Variants in PSD3 observed in about 807,000 individuals in gnomAD.
PSD3 encodes the protein PH and SEC7 domain-containing protein 3.
In PSD3, 49 loss-of-function variants were observed where a neutral mutation model predicts 105.5. That is an observed-to-expected ratio of 0.46 (90% CI 0.37 to 0.59). PSD3 has a LOEUF of 0.59. Among genes scored for constraint, PSD3 ranks in the 20% least tolerant of loss-of-function variants. The probability of loss-of-function intolerance (pLI) is 0.00; values close to 1 mark genes in which losing one functional copy is unlikely to be tolerated. For missense variants in PSD3, 1,561 were observed against 1,263.8 expected (o/e 1.24, Z -3.57); for synonymous variants, 557 against 457.8 (o/e 1.22, Z -2.77).
At chr8:18,771,907 C>T (rs1207107758) in intron 8 of PSD3, among the ~76,000 whole-genome samples, 1 of 152,226 alleles carries the variant, frequency 6.6e-6, no homozygotes, top group Non-Finnish European at 1.5e-5. Flanking sequence ...ATGCCAGCCA[C>T]TTGTAACCAA....
intron 2 of PSD3, among the ~76,000 whole-genome samples, chr8:18,918,104 C>T (rs1297626052): frequency 6.6e-6 from 1 of 152,164 alleles, no homozygotes; most frequent in Non-Finnish European, 1.5e-5. Flanking sequence ...AAAATACACA[C>T]TTACAGCATG....
At chr8:18,846,099 G>A (rs1177307253) in intron 4 of PSD3, among the ~76,000 whole-genome samples, 1 of 152,162 alleles carries the variant, frequency 6.6e-6, no homozygotes, top group Non-Finnish European at 1.5e-5. Context: ...GGAAGCAAAA[G>A]AAAGAGAGAT....
intron 8 of PSD3, among the ~76,000 whole-genome samples, chr8:18,775,282 T>C (rs187585857): frequency 8.5e-4 from 129 of 152,326 alleles, no homozygotes; most frequent in African/African-American, 2.9e-3. Flanking sequence ...TTTAGGTGAA[T>C]TCCATATCTT....
At chr8:18,983,843 AAAAT>A (rs1217794515) in intron 1 of PSD3, among the ~76,000 whole-genome samples, 4 of 151,964 alleles carry the variant, frequency 2.6e-5, no homozygotes, top group Non-Finnish European at 5.9e-5. Flanking sequence ...TACAAAAAAA[AAAAT>A]GTTTTAACCG....
intron 11 of PSD3, among the ~76,000 whole-genome samples, chr8:18,616,736 G>A: frequency 6.8e-6 from 1 of 146,380 alleles, no homozygotes; most frequent in Non-Finnish European, 1.5e-5. Flanking sequence ...CCATTCTCCT[G>A]CCTCAGCCTC....
intron 2 of PSD3, among the ~76,000 whole-genome samples, chr8:18,895,692 A>G (rs993326865): frequency 6.6e-6 from 1 of 152,236 alleles, no homozygotes; most frequent in Non-Finnish European, 1.5e-5. Context: ...TAGTAACTGC[A>G]CATATTTATA....
At chr8:18,653,500 T>G (rs939916518) in intron 10 of PSD3, among the ~76,000 whole-genome samples, 1 of 152,172 alleles carries the variant, frequency 6.6e-6, no homozygotes, top group Non-Finnish European at 1.5e-5. Flanking sequence ...CAATATTTGC[T>G]CAGTCTTGCA....
intron 4 of PSD3, among the ~76,000 whole-genome samples, chr8:18,837,626 C>A (rs9325843): frequency 6.6e-6 from 1 of 151,810 alleles, no homozygotes; most frequent in African/African-American, 2.4e-5. Context: ...TAGATAGTAA[C>A]TGAAATGAGA....
intron 1 of PSD3, among the ~76,000 whole-genome samples, chr8:19,019,250 C>A (rs1256285329): frequency 8.0e-5 from 12 of 149,814 alleles, no homozygotes; most frequent in Admixed American, 7.3e-4. Flanking sequence ...CTCATCAACT[C>A]ATTTTTTTTT....
intron 9 of PSD3, among the ~76,000 whole-genome samples, chr8:18,680,358 A>G (rs950162957): frequency 2.0e-5 from 3 of 152,206 alleles, no homozygotes; most frequent in African/African-American, 7.2e-5. Context: ...TAAATTAGAA[A>G]TCAATTAGAA....
intron 11 of PSD3, among the ~76,000 whole-genome samples, chr8:18,611,765 CTGGA>C (rs34322561): frequency 0.28 from 43,190 of 151,836 alleles, 6,487 homozygotes; most frequent in South Asian, 0.46. Flanking sequence ...ATTAAGGGAC[CTGGA>C]TGGATCACAT....
intron 11 of PSD3, among the ~76,000 whole-genome samples, chr8:18,610,669 A>T (rs1187872340): frequency 6.6e-6 from 1 of 152,220 alleles, no homozygotes; most frequent in Non-Finnish European, 1.5e-5. Context: ...ATATAATAGC[A>T]ACCAATGCAT....
At chr8:18,852,015 A>C (rs1174153470) in intron 4 of PSD3, among the ~76,000 whole-genome samples, 1 of 152,238 alleles carries the variant, frequency 6.6e-6, no homozygotes, top group East Asian at 1.9e-4. Context: ...AACTAATCAC[A>C]CAACAGTTTT....
At position 18,765,476 on chromosome 8, in the gene PSD3, A is replaced by C; in HGVS notation, c.2145T>G (p.Gly715=). ...FIANLQGVNE[G]VDFSKDLLKA... ...TCAGCAGATCCTTGGAGAAATCAAC[A>C]CCCTCATTTACCCCTTGCAGATTTG... Residue 715 remains glycine, a synonymous_variant, in exon 9 of 16, where the codon GGT becomes GGG. Transcript: ENST00000327040. The C allele has an allele frequency of 1.9e-6, 3 of 1,612,598 alleles. No homozygotes were observed. Among genetic ancestry groups the C allele is most frequent in the Non-Finnish European group, 2.5e-6 (3 of 1,178,650 alleles).
chr8:19,043,810 C>A (rs1490504259), intron 1 of PSD3, among the ~76,000 whole-genome samples: 1 of 152,182 alleles, frequency 6.6e-6, no homozygotes, highest in Non-Finnish European at 1.5e-5. Context: ...GACTTCCCAG[C>A]CTCCAGAATG....
rs554216700 is a variant in PSD3 at position 18,858,818 on chromosome 8, C to T, written c.1634+8856G>A. On this transcript the variant is annotated intron_variant, in intron 4 of 15. Coordinates refer to ENST00000327040, the MANE Select transcript of PSD3 (RefSeq NM_015310.4). ...CGTTCGCCTGCTATTTCCACCACAT[C>T]TGCAGTTATTTAATCTACTGGAAGT... Among the ~76,000 whole-genome samples, 10 of 152,304 alleles carry T rather than the reference C, an allele frequency of 6.6e-5. 1 individual carries two copies. The South Asian group carries it at 2.1e-3, about 32-fold the overall frequency.
rs1817884532 is a variant in PSD3, at chr8:18,878,560, T to C, written c.131-5827A>G. ...AGCTTAAGCATACATACATTCTGAATGCATAGACATACACACGCTCCTTTG... is the reference window on the plus strand; with the variant it reads ...AGCTTAAGCATACATACATTCTGAACGCATAGACATACACACGCTCCTTTG... On this transcript the variant is annotated intron_variant, in intron 2 of 15. Transcript: ENST00000327040. Among the ~76,000 whole-genome samples, 3 of 152,322 alleles carry C rather than the reference T, an allele frequency of 2.0e-5. No individual in the cohort carries two copies. The South Asian group carries it at 6.2e-4, about 32-fold the overall frequency.
chr8:18,705,742 T>C (rs1247460046), intron 9 of PSD3, among the ~76,000 whole-genome samples: 1 of 152,132 alleles, frequency 6.6e-6, no homozygotes, highest in African/African-American at 2.4e-5. Context: ...ACATAGGCTA[T>C]GTCTGGGTAA....
chr8:18,763,899 A>T (rs910992629), intron 9 of PSD3, among the ~76,000 whole-genome samples: 2 of 152,144 alleles, frequency 1.3e-5, no homozygotes, highest in Non-Finnish European at 2.9e-5. Context: ...ACAAAAAAAC[A>T]AATAATACAT....
Sources: gnomAD v4.1 joint callset for allele counts (sites outside exome capture counted in the v4.1 genomes callset) on GRCh38, gnomAD v4.1.1 for gene constraint, MANE v1.5 for transcripts, NCBI Gene and HGNC (gene_info 2026-07-23, HGNC 2026-07-21) for gene names.